The following C4orf51 variants were observed in gnomAD, a reference collection of about 807,000 sequenced individuals.
The protein encoded by C4orf51 is chromosome 4 open reading frame 51, also known as uncharacterized protein C4orf51.
Under a neutral mutation model 25.2 loss-of-function variants are expected in C4orf51, and 25 were observed. The observed-to-expected ratio is 0.99, with a 90% confidence interval of 0.72 to 1.39. The LOEUF is 1.39. C4orf51 is among the 40% of genes most tolerant of loss of function. The probability of loss-of-function intolerance (pLI) is 0.00; values close to 1 mark genes in which losing one functional copy is unlikely to be tolerated. For synonymous variants in C4orf51, 100 were observed against 84.5 expected, an observed-to-expected ratio of 1.18 and a Z score of -1.01; for missense variants, 252 against 239.6, an observed-to-expected ratio of 1.05 and a Z score of -0.34.
chr4:145,699,317 A>G (rs1293145702), intron 2 of C4orf51, among the ~76,000 whole-genome samples: 1 of 109,676 alleles, frequency 9.1e-6, no homozygotes, highest in Non-Finnish European at 1.9e-5. Context: ...TTGGGAGATC[A>G]ATCCCCTGTC....
the C4orf51 span, among the ~76,000 whole-genome samples, chr4:145,785,913 C>T: frequency 4.6e-5 from 7 of 152,292 alleles, no homozygotes; most frequent in Admixed American, 4.6e-4. Flanking sequence ...TTCTCCATTT[C>T]TGTTATTAAA....
chr4:145,704,821 G>A (rs1298788754), intron 2 of C4orf51, among the ~76,000 whole-genome samples: 2 of 152,204 alleles, frequency 1.3e-5, no homozygotes, highest in Non-Finnish European at 2.9e-5. Flanking sequence ...AAGTTTCAGA[G>A]CAGGAGTGAA....
intron 2 of C4orf51, among the ~76,000 whole-genome samples, chr4:145,723,884 C>G (rs543903891): frequency 2.8e-4 from 43 of 152,162 alleles, no homozygotes; most frequent in Non-Finnish European, 4.6e-4. Context: ...ATTAGCTAAC[C>G]GTACTCCAAC....
intron 2 of C4orf51, among the ~76,000 whole-genome samples, chr4:145,717,557 G>A (rs1372035522): frequency 6.6e-6 from 1 of 152,190 alleles, no homozygotes; most frequent in Non-Finnish European, 1.5e-5. Flanking sequence ...CAAATTGTCA[G>A]TAGAGGCCAA....
chr4:145,680,374 G>A lies in C4orf51; in HGVS notation c.171G>A (p.Leu57=), dbSNP rs1255270009. ...TYTGSYRKKQ[L]DKSMCSQFSF... The stretch of plus-strand genomic sequence containing the variant: ...CAGGCAGTTACCGGAAAAAACAACT[G>A]GACAAGTCCATGTGCAGCCAATTTT... Residue 57 remains leucine, a synonymous_variant, in exon 1 of 6, where the codon CTG becomes CTA. Coordinates refer to ENST00000438731, the MANE Select transcript of C4orf51 (RefSeq NM_001080531.3). The A allele has an allele frequency of 4.3e-6, 7 of 1,613,936 alleles. No individual in the cohort carries two copies. Among genetic ancestry groups the A allele is most frequent in the Non-Finnish European group, 5.9e-6 (7 of 1,179,864 alleles).
intron 1 of C4orf51, among the ~76,000 whole-genome samples, chr4:145,742,311 C>T (rs186135966): frequency 3.9e-5 from 6 of 152,126 alleles, no homozygotes; most frequent in Admixed American, 3.3e-4. Flanking sequence ...GTTGACAACT[C>T]CTCCTCTTTC....
At chr4:145,696,482 C>A in intron 1 of C4orf51, 77 bp from the exon 2 acceptor site, 1 of 1,155,010 alleles carries the variant, frequency 8.7e-7, no homozygotes, top group Non-Finnish European at 1.3e-6. Context: ...GAATGGAAAT[C>A]CCTGTAAGTC....
intron 2 of C4orf51, 39 bp downstream of exon 2, chr4:145,696,671 T>G (rs1174006363): frequency 4.1e-6 from 6 of 1,451,288 alleles, no homozygotes; most frequent in Non-Finnish European, 5.7e-6. Flanking sequence ...CCAGCCCTTT[T>G]GCCAGGGTTG....
chr4:145,694,142 G>A (rs1161688934), intron 1 of C4orf51, among the ~76,000 whole-genome samples: 1 of 79,910 alleles, frequency 1.3e-5, no homozygotes, highest in African/African-American at 8.7e-5. Context: ...CATCTCAGAC[G>A]ATCTCCTCCT....
At chr4:145,680,844 G>T (rs1039338589) in intron 1 of C4orf51, among the ~76,000 whole-genome samples, 1 of 152,114 alleles carries the variant, frequency 6.6e-6, no homozygotes, top group Non-Finnish European at 1.5e-5. Flanking sequence ...CCTACCTGTG[G>T]TTATTGCATT....
chr4:145,783,824 T>C, the C4orf51 span, among the ~76,000 whole-genome samples: 3 of 152,306 alleles, frequency 2.0e-5, no homozygotes, highest in South Asian at 2.1e-4. Flanking sequence ...GGGAAAAGTA[T>C]AGGTCCTTGA....
rs749841659 is a variant in C4orf51, at chr4:145,761,138, C to T, written n.167-9850C>T. 2 of 1,289,762 alleles carry T rather than the reference C, an allele frequency of 1.6e-6. No homozygotes were observed. Among genetic ancestry groups the T allele is most frequent in the African/African-American group, 1.5e-5 (1 of 65,998 alleles). The allele number at this position is 1,289,762 out of a possible 1,614,324, so 79.9% of individuals were successfully genotyped here. ...ACCAGGAGCGGGGCCCCCGGGCCGG[C>T]CGGTTCCTTGGGGGCTGGACACAGG... On this transcript the variant is annotated intron_variant and non_coding_transcript_variant, in intron 1 of 1. Transcript: ENST00000510096. This position sits in a 1 kb window ranked among gnomAD's most constrained non-coding sequence, Gnocchi z 6.8.
chr4:145,735,949 G>A (rs947998236), downstream of C4orf51, among the ~76,000 whole-genome samples: 6 of 152,166 alleles, frequency 3.9e-5, no homozygotes, highest in East Asian at 1.9e-4. Flanking sequence ...AGTGACATCC[G>A]TCATCTGGGT....
chr4:145,737,873 T>C (rs1181220517), intron 1 of C4orf51, among the ~76,000 whole-genome samples: 1 of 152,190 alleles, frequency 6.6e-6, no homozygotes, highest in Non-Finnish European at 1.5e-5. Flanking sequence ...ATTTTTAAAG[T>C]TTATCCTGCT....
chr4:145,711,828 G>A (rs1731150936), intron 2 of C4orf51, among the ~76,000 whole-genome samples: 1 of 151,966 alleles, frequency 6.6e-6, no homozygotes, highest in Non-Finnish European at 1.5e-5. Flanking sequence ...GCTCTATTGT[G>A]CTTCACAGAT....
downstream of C4orf51, chr4:145,775,975 A>G: frequency 6.2e-7 from 1 of 1,614,178 alleles, no homozygotes; most frequent in Non-Finnish European, 8.5e-7. Flanking sequence ...GGGAGAAGGA[A>G]CAGGAAAAAG....
chr4:145,713,955 G>A lies in C4orf51; in HGVS notation c.308-12956G>A, dbSNP rs763300691. On this transcript the variant is annotated intron_variant, in intron 2 of 5. Transcript: ENST00000438731. ...CTGCCACCATGCCTGGCCAATTTTT[G>A]TATTTTTAGTAGAGACGGAGTTTCA... Among the ~76,000 whole-genome samples the A allele has an allele frequency of 2.0e-5, 3 of 151,994 alleles. No homozygotes were observed. The East Asian group carries it at 5.8e-4, about 29-fold the overall frequency.
At chr4:145,752,238 C>T (rs1452589447) in intron 1 of C4orf51, among the ~76,000 whole-genome samples, 1 of 152,188 alleles carries the variant, frequency 6.6e-6, no homozygotes, top group Non-Finnish European at 1.5e-5. Context: ...ACAGTAGGCA[C>T]CACAGCTCAG....
At chr4:145,730,410 A>G (rs910463048) in intron 5 of C4orf51, among the ~76,000 whole-genome samples, 7 of 152,118 alleles carry the variant, frequency 4.6e-5, no homozygotes, top group Non-Finnish European at 8.8e-5. Flanking sequence ...TGCTTCCCCA[A>G]TATGACCCTC....
Sources: allele counts gnomAD v4.1 joint callset (sites outside exome capture counted in the v4.1 genomes callset), GRCh38; gene constraint gnomAD v4.1.1; non-coding constraint Gnocchi (gnomAD v3.1); transcripts MANE v1.5; gene names NCBI Gene and HGNC (gene_info 2026-07-23, HGNC 2026-07-21).